FRYL: variants seen among roughly 807,000 people sequenced by gnomAD.
FRYL encodes FRY like transcription coactivator.
In FRYL, 150 loss-of-function variants were observed where a neutral mutation model predicts 351.2. The ratio of observed to expected loss-of-function variants is 0.43; its 90% confidence interval spans 0.37 to 0.49. FRYL has a LOEUF of 0.49. FRYL is among the 20% of genes least tolerant of loss of function. The pLI, the probability that FRYL is intolerant of heterozygous loss-of-function variation, is 0.00. For synonymous variants in FRYL, 1,153 were observed against 1,257.1 expected (o/e 0.92, Z 1.75); for missense variants, 3,036 against 3,619.3 (o/e 0.84, Z 4.13).
chr4:48,531,480 T>A, intron 49 of FRYL, 127 bp from the exon 50 acceptor site: 2 of 656,498 alleles, frequency 3.0e-6, no homozygotes, highest in Non-Finnish European at 5.2e-6. Flanking sequence ...ATTTTGAAGA[T>A]CCTTAATGAA....
At chr4:48,643,611 C>T (rs774887645) in intron 3 of FRYL, among the ~76,000 whole-genome samples, 2 of 152,066 alleles carry the variant, frequency 1.3e-5, no homozygotes, top group Admixed American at 6.5e-5. Flanking sequence ...CTATTCAACA[C>T]CATCCTGGAG....
intron 37 of FRYL, 67 bp from the exon 38 acceptor site, chr4:48,550,771 C>T (rs1732532051): frequency 1.7e-6 from 2 of 1,173,036 alleles, no homozygotes; most frequent in Admixed American, 1.7e-5. Context: ...TTATGTTTCA[C>T]TTTCTCTGTT....
chr4:48,739,142 T>C (rs1771763199), intron 1 of FRYL, among the ~76,000 whole-genome samples: 2 of 152,280 alleles, frequency 1.3e-5, no homozygotes, highest in South Asian at 4.1e-4. Flanking sequence ...GGCTCATGAC[T>C]GTAATCCCAG....
rs1363279356 is a variant in FRYL at position 48,693,884 on chromosome 4, C to T, written c.-203-9089G>A. ...ATTTGATGAGGAGTTTTATTATGTA[C>T]GAGTATTAAATAATCCAAATTCTCT... On this transcript the variant is annotated intron_variant, in intron 2 of 63. Coordinates refer to ENST00000358350, the MANE Select transcript of FRYL (RefSeq NM_015030.2). Among the ~76,000 whole-genome samples, 12 of 152,194 alleles carry T rather than the reference C, an allele frequency of 7.9e-5. 1 individual carries two copies. The South Asian group carries it at 1.2e-3, about 16-fold the overall frequency.
intron 1 of FRYL, among the ~76,000 whole-genome samples, chr4:48,749,319 T>C (rs1380597258): frequency 1.3e-5 from 2 of 152,216 alleles, no homozygotes; most frequent in African/African-American, 2.4e-5. Context: ...AAATTGGGCT[T>C]GGATTCAGTT....
intron 2 of FRYL, among the ~76,000 whole-genome samples, chr4:48,697,565 T>C: frequency 6.6e-6 from 1 of 152,166 alleles, no homozygotes; most frequent in East Asian, 1.9e-4. Flanking sequence ...CTGCAACCTC[T>C]GCCTCCTGGG....
intron 3 of FRYL, among the ~76,000 whole-genome samples, chr4:48,643,736 C>T (rs1314572887): frequency 1.3e-5 from 2 of 152,126 alleles, no homozygotes; most frequent in East Asian, 1.9e-4. Flanking sequence ...TTTTAAAAGA[C>T]CTTCTATTCG....
intron 3 of FRYL, among the ~76,000 whole-genome samples, chr4:48,662,765 G>GAAAAAAA (rs57746767): frequency 7.6e-6 from 1 of 131,618 alleles, no homozygotes; most frequent in Non-Finnish European, 1.6e-5. Flanking sequence ...ATCTCCTGAA[G>GAAAAAAA]AAAAAAAAAA....
rs548531009 is a variant in FRYL, at chr4:48,624,349, TG to T, written c.121-1171del. On this transcript the variant is annotated intron_variant, in intron 4 of 63. Transcript: ENST00000358350. ...ACAGAAGACGTGGTGGGACTCACTG[TG>T]GAAAGCTAAGACCCTCTATCCTTCA... Among the ~76,000 whole-genome samples, 51 of 152,198 alleles carry T rather than the reference TG, an allele frequency of 3.4e-4. 1 individual carries two copies. The South Asian group carries it at 1.0e-2, about 30-fold the overall frequency.
intron 33 of FRYL, among the ~76,000 whole-genome samples, chr4:48,559,643 AGAGG>A (rs1173680886): frequency 1.1e-4 from 9 of 84,832 alleles, no homozygotes; most frequent in Non-Finnish European, 1.7e-4. Flanking sequence ...GGAGAGAGGA[AGAGG>A]GAGGGAGGGA....
chr4:48,656,401 TA>T (rs1759136833), intron 3 of FRYL, among the ~76,000 whole-genome samples: 1 of 11,816 alleles, frequency 8.5e-5, no homozygotes, highest in South Asian at 3.0e-3. Context: ...AATTAATATA[TA>T]ATTATATATA....
At chr4:48,733,870 T>C (rs1409877470) in intron 1 of FRYL, among the ~76,000 whole-genome samples, 2 of 151,762 alleles carry the variant, frequency 1.3e-5, no homozygotes, top group African/African-American at 4.8e-5. Flanking sequence ...TTGCAAACTC[T>C]CAGCAACCAC....
chr4:48,553,432 C>A (rs201705678), intron 35 of FRYL, 49 bp from the exon 36 acceptor site: 2 of 1,367,734 alleles, frequency 1.5e-6, no homozygotes, highest in African/African-American at 2.9e-5. Context: ...GTTTTTATCT[C>A]ATTAATTTCT....
intron 8 of FRYL, among the ~76,000 whole-genome samples, chr4:48,609,494 C>T (rs1747595643): frequency 6.6e-6 from 1 of 151,866 alleles, no homozygotes; most frequent in African/African-American, 2.4e-5. Flanking sequence ...TGGTGGCGTG[C>T]ACCTGTAGTC....
rs746067819 is a variant in FRYL, at chr4:48,605,852, T to C, written c.742-19A>G. On this transcript the variant is annotated intron_variant, in intron 10 of 63. Coordinates refer to ENST00000358350, the MANE Select transcript of FRYL (RefSeq NM_015030.2). ...CACATTCCTTAAAGGGAAAGAGGTA[T>C]ATACTTAGATTAACAAAAGAGGAAA... The C allele has an allele frequency of 7.5e-6, 10 of 1,325,960 alleles. No homozygotes were observed. The highest frequency in any genetic ancestry group is 1.5e-5 in the African/African-American group (1 of 66,870). 82.1% of individuals were successfully genotyped at this position (1,325,960 alleles called of 1,614,324 possible). A position where few individuals can be genotyped will look rare whatever the true frequency, so the allele number is the denominator to read the frequency against.
intron 3 of FRYL, among the ~76,000 whole-genome samples, chr4:48,643,746 G>A (rs138819982): frequency 9.8e-4 from 149 of 152,032 alleles, no homozygotes; most frequent in Non-Finnish European, 1.4e-3. Context: ...CCTTCTATTC[G>A]CAAAAATAAA....
chr4:48,773,465 A>C (rs151316854), intron 1 of FRYL, among the ~76,000 whole-genome samples: 261 of 152,278 alleles, frequency 1.7e-3, no homozygotes, highest in Admixed American at 2.5e-3. Flanking sequence ...CCTTTATTTG[A>C]GTCCAGTCTG....
intron 59 of FRYL, chr4:48,506,463 A>AAAAG (rs1167426108): frequency 6.6e-6 from 1 of 151,732 alleles, no homozygotes; most frequent in African/African-American, 2.4e-5. Context: ...GGTATAGTAG[A>AAAAG]AAAGAAAGAA....
intron 1 of FRYL, among the ~76,000 whole-genome samples, chr4:48,757,488 C>G (rs1197308666): frequency 3.3e-5 from 5 of 152,202 alleles, no homozygotes; most frequent in Admixed American, 1.3e-4. Context: ...CTCCCATTCA[C>G]AATTGCTTCA....
Sources: allele counts gnomAD v4.1 joint callset (sites outside exome capture counted in the v4.1 genomes callset), GRCh38; gene constraint gnomAD v4.1.1; transcripts MANE v1.5; gene names NCBI Gene and HGNC (gene_info 2026-07-23, HGNC 2026-07-21).